The following SPIDR variants were observed in gnomAD, a reference collection of about 807,000 sequenced individuals.
SPIDR encodes the protein scaffold protein involved in DNA repair.
In SPIDR, 93 loss-of-function variants were observed where a neutral mutation model predicts 104.6. That is an observed-to-expected ratio of 0.89 (90% confidence interval 0.75 to 1.06). The LOEUF is 1.06. Among genes scored for constraint, SPIDR ranks in the 50% least tolerant of loss-of-function variants. The pLI is 0.00. For missense variants in SPIDR, 1,154 were observed against 1,111.2 expected, an observed-to-expected ratio of 1.04 and a Z score of -0.55; for synonymous variants, 431 against 416.9, an observed-to-expected ratio of 1.03 and a Z score of -0.41.
chr8:47,602,609 C>A (rs1449073852), intron 10 of SPIDR, among the ~76,000 whole-genome samples: 1 of 152,198 alleles, frequency 6.6e-6, no homozygotes, highest in Non-Finnish European at 1.5e-5. Flanking sequence ...TGGTAAATTT[C>A]TGTCTTAAGT....
intron 7 of SPIDR, among the ~76,000 whole-genome samples, chr8:47,421,169 T>G (rs1431586194): frequency 2.0e-5 from 3 of 152,226 alleles, no homozygotes; most frequent in African/African-American, 7.2e-5. Context: ...CTTGCTAGAT[T>G]GGGGAAGTTC....
chr8:47,260,956 G>C lies in SPIDR; in HGVS notation c.-3G>C. The C allele has an allele frequency of 8.1e-7, 1 of 1,229,392 alleles. No individual in the cohort carries two copies. Among genetic ancestry groups the C allele is most frequent in the Non-Finnish European group, 1.0e-6 (1 of 986,132 alleles). The allele number at this position is 1,229,392 out of a possible 1,614,324, so 76.2% of individuals were successfully genotyped here. Reference sequence around the variant, plus strand: ...GCGGTGCGCTCAGGCGGCGCTCCCGGAGATGCCCCGCGGCAGCCGCGCTCG... The same window carrying C: ...GCGGTGCGCTCAGGCGGCGCTCCCGCAGATGCCCCGCGGCAGCCGCGCTCG... On this transcript the variant is annotated 5_prime_UTR_variant, in exon 1 of 20. Coordinates refer to ENST00000297423, the MANE Select transcript of SPIDR (RefSeq NM_001080394.4).
At chr8:47,454,162 A>G (rs781814782) in intron 8 of SPIDR, among the ~76,000 whole-genome samples, 3 of 152,212 alleles carry the variant, frequency 2.0e-5, no homozygotes, top group Non-Finnish European at 4.4e-5. Context: ...ATGCTGCTAT[A>G]AAGACACATG....
At chr8:47,673,594 T>C in intron 10 of SPIDR, 1 of 644,408 alleles carries the variant, frequency 1.6e-6, no homozygotes, top group East Asian at 3.1e-5. Context: ...AATTCAACGT[T>C]TTTTTAATCC....
chr8:47,358,847 G>C (rs1305142098), intron 5 of SPIDR, among the ~76,000 whole-genome samples: 1 of 152,052 alleles, frequency 6.6e-6, no homozygotes, highest in South Asian at 2.1e-4. Flanking sequence ...CATATATACA[G>C]ACATACTCCT....
intron 5 of SPIDR, among the ~76,000 whole-genome samples, chr8:47,375,025 A>T (rs980187170): frequency 6.6e-6 from 1 of 151,966 alleles, no homozygotes; most frequent in Admixed American, 6.6e-5. Flanking sequence ...ACTGCACTCC[A>T]GCCTGGGCAA....
intron 10 of SPIDR, among the ~76,000 whole-genome samples, chr8:47,614,979 C>G (rs2064100414): frequency 6.6e-6 from 1 of 152,094 alleles, no homozygotes; most frequent in Non-Finnish European, 1.5e-5. Context: ...TATAAGACCC[C>G]TATAATATAC....
chr8:47,721,758 A>T (rs1257964952), intron 16 of SPIDR, among the ~76,000 whole-genome samples: 1 of 152,176 alleles, frequency 6.6e-6, no homozygotes, highest in Non-Finnish European at 1.5e-5. Context: ...TACAGGCGTG[A>T]GCCACCGCGC....
At chr8:47,603,654 T>C (rs748597792) in intron 10 of SPIDR, among the ~76,000 whole-genome samples, 1 of 152,078 alleles carries the variant, frequency 6.6e-6, no homozygotes, top group Non-Finnish European at 1.5e-5. Context: ...TGCCTTGGCT[T>C]TCCAAAGTAC....
chr8:47,592,123 A>G (rs2061095754), intron 8 of SPIDR: 6 of 1,383,550 alleles, frequency 4.3e-6, no homozygotes, highest in South Asian at 2.4e-5. Flanking sequence ...GAAGTGATGC[A>G]CACTTGATGA....
At chr8:47,479,971 A>G (rs546029387) in intron 8 of SPIDR, among the ~76,000 whole-genome samples, 101 of 152,316 alleles carry the variant, frequency 6.6e-4, no homozygotes, top group African/African-American at 2.3e-3. Context: ...AATCACAGTA[A>G]AAAGATTTGA....
chr8:47,396,569 A>C lies in SPIDR; in HGVS notation c.719A>C (p.Lys240Thr). ...GAGACCATTTTGCATACACCTCAGA[A>C]ACCCACAGCTAAGTTTCCCAGGACT... ...STETILHTPQ[K>T]PTAKFPRTPE... Residue 240 changes from lysine to threonine, a missense_variant, in exon 6 of 20, where the codon AAA becomes ACA. Coordinates refer to ENST00000297423, the MANE Select transcript of SPIDR (RefSeq NM_001080394.4). 1.2e-6 allele frequency: 2 copies of C among 1,614,164 alleles called. No individual in the cohort carries two copies. Among genetic ancestry groups the C allele is most frequent in the South Asian group, 1.1e-5 (1 of 91,084 alleles).
At chr8:47,637,649 T>A (rs2068164130) in intron 10 of SPIDR, among the ~76,000 whole-genome samples, 1 of 152,236 alleles carries the variant, frequency 6.6e-6, no homozygotes, top group East Asian at 1.9e-4. Context: ...GAGTTACGTG[T>A]TCTTAGGAGG....
intron 1 of SPIDR, among the ~76,000 whole-genome samples, chr8:47,262,803 A>AT (rs1326700978): frequency 1.3e-5 from 2 of 152,066 alleles, no homozygotes; most frequent in African/African-American, 2.4e-5. Context: ...CCAGGAATTT[A>AT]TTTTTTGTTT....
intron 7 of SPIDR, 59 bp from the exon 8 acceptor site, chr8:47,440,264 C>G (rs571813937): frequency 2.1e-6 from 3 of 1,462,804 alleles, no homozygotes; most frequent in Non-Finnish European, 2.9e-6. Flanking sequence ...ACTTTATTCA[C>G]GCTTGAACCA....
At chr8:47,541,361 A>G (rs2088096783) in intron 8 of SPIDR, among the ~76,000 whole-genome samples, 1 of 152,224 alleles carries the variant, frequency 6.6e-6, no homozygotes, top group African/African-American at 2.4e-5. Context: ...TCTGACTCAG[A>G]CACTTGCTTT....
intron 8 of SPIDR, among the ~76,000 whole-genome samples, chr8:47,589,916 C>A (rs1042825555): frequency 6.6e-6 from 1 of 151,746 alleles, no homozygotes; most frequent in African/African-American, 2.4e-5. Context: ...CCCTGTAATC[C>A]CAGCACTTTG....
At chr8:47,394,329 A>G (rs1325740581) in intron 5 of SPIDR, among the ~76,000 whole-genome samples, 1 of 152,132 alleles carries the variant, frequency 6.6e-6, no homozygotes, top group Non-Finnish European at 1.5e-5. Context: ...TTTCATAACT[A>G]TCTGGGTCTG....
intron 1 of SPIDR, among the ~76,000 whole-genome samples, chr8:47,271,843 A>C (rs914536795): frequency 3.3e-5 from 5 of 152,082 alleles, no homozygotes; most frequent in African/African-American, 1.2e-4. Context: ...GCTGGAGTGC[A>C]ATGACATGAT....
Sources: allele counts gnomAD v4.1 joint callset (sites outside exome capture counted in the v4.1 genomes callset), GRCh38; gene constraint gnomAD v4.1.1; transcripts MANE v1.5; gene names NCBI Gene and HGNC (gene_info 2026-07-23, HGNC 2026-07-21).